DNM3: variants seen among roughly 807,000 people sequenced by gnomAD.
DNM3 encodes dynamin-3.
In DNM3, 47 loss-of-function variants were observed where a neutral mutation model predicts 101.6. That is an observed-to-expected ratio of 0.46 (90% CI 0.37 to 0.59). The LOEUF (loss-of-function observed/expected upper bound fraction) is 0.59. DNM3 is among the 20% of genes least tolerant of loss of function. DNM3 has a pLI of 0.00. For synonymous variants in DNM3, 385 were observed against 387.9 expected (o/e 0.99, Z 0.09); for missense variants, 849 against 1,085.7 (o/e 0.78, Z 3.06).
Position 171,980,807 on chromosome 1 carries a change from G to A in DNM3, c.236-6849G>A, listed in dbSNP as rs59428169. On this transcript the variant is annotated intron_variant, in intron 2 of 20. Coordinates refer to ENST00000627582, the MANE Select transcript of DNM3 (RefSeq NM_015569.5). ...TTTTTTTGAGACAGAGTCTCACTCTGTCACTCAGGCTGGAGTGCAGTGACA... is the reference window on the plus strand; with the variant it reads ...TTTTTTTGAGACAGAGTCTCACTCTATCACTCAGGCTGGAGTGCAGTGACA... 8.7e-3 allele frequency among the ~76,000 whole-genome samples: 1,088 copies of A among 125,552 alleles called. 15 individuals carry two copies. Among genetic ancestry groups the A allele is most frequent in the African/African-American group, 0.031 (1,019 of 32,468 alleles). 82.4% of individuals were successfully genotyped at this position (125,552 alleles called of 152,430 possible).
At chr1:172,210,636 T>C (rs1009819786) in intron 14 of DNM3, among the ~76,000 whole-genome samples, 3 of 152,144 alleles carry the variant, frequency 2.0e-5, no homozygotes, top group Non-Finnish European at 2.9e-5. Flanking sequence ...GGAACCAAGA[T>C]ATAATGTGAA....
chr1:172,240,845 G>T (rs1479931154), intron 14 of DNM3, among the ~76,000 whole-genome samples: 4 of 152,002 alleles, frequency 2.6e-5, no homozygotes, highest in Non-Finnish European at 5.9e-5. Flanking sequence ...AATATAAATT[G>T]CAATGCCTTG....
chr1:172,050,605 A>G (rs568150476), intron 10 of DNM3, among the ~76,000 whole-genome samples: 2 of 152,204 alleles, frequency 1.3e-5, no homozygotes, highest in Non-Finnish European at 2.9e-5. Flanking sequence ...TAGGCAAGGT[A>G]ATGAAAAGAA....
At position 172,411,891 on chromosome 1, in the gene DNM3, G is replaced by C. The variant is rs376199314; in HGVS notation, c.*4050G>C. The C allele has an allele frequency of 3.0e-6, 3 of 985,644 alleles. No homozygotes were observed. Among genetic ancestry groups the C allele is most frequent in the Non-Finnish European group, 3.6e-6 (3 of 829,872 alleles). The allele number at this position is 985,644 out of a possible 1,614,324, so 61.1% of individuals were successfully genotyped here. A position where few individuals can be genotyped will look rare whatever the true frequency, so the allele number is the denominator to read the frequency against. On this transcript the variant is annotated 3_prime_UTR_variant, in exon 21 of 21. Transcript: ENST00000627582. ...TGAAGAAATGATTATTCGTTCACCA[G>C]ATCACTCATTGTACATTCTAAAAAG...
At chr1:172,034,105 G>A (rs2048800143) in intron 6 of DNM3, among the ~76,000 whole-genome samples, 1 of 152,088 alleles carries the variant, frequency 6.6e-6, no homozygotes, top group Admixed American at 6.6e-5. Flanking sequence ...ATCAATAGCT[G>A]TCACAATATG....
chr1:171,844,876 T>C (rs1448356164), intron 1 of DNM3, among the ~76,000 whole-genome samples: 2 of 152,242 alleles, frequency 1.3e-5, no homozygotes, highest in Admixed American at 1.3e-4. Context: ...ATTATACGTA[T>C]ACATATATTT....
chr1:171,993,286 C>T (rs1290663231), intron 4 of DNM3, among the ~76,000 whole-genome samples: 1 of 151,888 alleles, frequency 6.6e-6, no homozygotes, highest in East Asian at 1.9e-4. Context: ...CTATGTCTGT[C>T]AGTAAGGGAT....
intron 15 of DNM3, among the ~76,000 whole-genome samples, chr1:172,299,819 A>G (rs2064350800): frequency 6.6e-6 from 1 of 152,182 alleles, no homozygotes; most frequent in Non-Finnish European, 1.5e-5. Context: ...TGTCTTTGCT[A>G]TTATGAAGAA....
At chr1:171,955,788 C>G (rs115303652) in intron 2 of DNM3, among the ~76,000 whole-genome samples, 3,588 of 152,118 alleles carry the variant, frequency 0.024, 134 homozygotes, top group African/African-American at 0.081. Flanking sequence ...TGAGACTGGG[C>G]AATTGACAAA....
chr1:172,248,443 GA>G (rs2062041200), intron 14 of DNM3, among the ~76,000 whole-genome samples: 1 of 152,032 alleles, frequency 6.6e-6, no homozygotes, highest in Non-Finnish European at 1.5e-5. Context: ...TACCCTCAAG[GA>G]ACTTCCAATC....
chr1:172,145,146 C>T lies in DNM3; in HGVS notation c.1659+13858C>T, dbSNP rs532508064. ...GTAGAAGTACAAATTTACTGTCTGA[C>T]CCAGGCTAGAGAAGTAATTTGAAGA... On this transcript the variant is annotated intron_variant, in intron 14 of 20. Transcript: ENST00000627582. Among the ~76,000 whole-genome samples the T allele has an allele frequency of 2.1e-3, 320 of 152,040 alleles. 1 individual carries two copies. The highest frequency in any genetic ancestry group is 7.3e-3 in the African/African-American group (304 of 41,500).
intron 1 of DNM3, among the ~76,000 whole-genome samples, chr1:171,864,976 A>G (rs2034571271): frequency 2.0e-5 from 3 of 152,194 alleles, no homozygotes; most frequent in African/African-American, 7.2e-5. Context: ...CTTAAAATAC[A>G]GACTTATTTA....
chr1:172,363,951 C>T (rs2067877076), intron 17 of DNM3, among the ~76,000 whole-genome samples: 1 of 151,940 alleles, frequency 6.6e-6, no homozygotes, highest in African/African-American at 2.4e-5. Context: ...TTTCCATAGC[C>T]TTGCCTGGCT....
intron 14 of DNM3, among the ~76,000 whole-genome samples, chr1:172,192,424 G>A (rs1472523762): frequency 6.9e-6 from 1 of 145,686 alleles, no homozygotes; most frequent in Non-Finnish European, 1.5e-5. Context: ...TGTGCACATT[G>A]TGCAGGTTAG....
At position 171,960,196 on chromosome 1, in the gene DNM3, A is replaced by C. The variant is rs376777973; in HGVS notation, c.236-27460A>C. 5.3e-5 allele frequency among the ~76,000 whole-genome samples: 8 copies of C among 150,962 alleles called. No homozygotes were observed. In the East Asian group the frequency reaches 7.8e-4, roughly 15 times the overall value. On this transcript the variant is annotated intron_variant, in intron 2 of 20. Transcript: ENST00000627582. ...TAAGAGGCAGAGACTGGAGTAGTGC[A>C]TCCATAAGCCAAGCCATTGCTGACA...
chr1:171,967,901 C>T (rs1336873413), intron 2 of DNM3, among the ~76,000 whole-genome samples: 3 of 152,172 alleles, frequency 2.0e-5, no homozygotes, highest in East Asian at 3.8e-4. Flanking sequence ...CCTCAATCAT[C>T]TGGACCCTCT....
Position 171,945,681 on chromosome 1 carries a change from G to C in DNM3, c.235+23860G>C, listed in dbSNP as rs999581514. 2.6e-5 allele frequency among the ~76,000 whole-genome samples: 4 copies of C among 152,110 alleles called. No individual in the cohort carries two copies. In the South Asian group the frequency reaches 8.3e-4, roughly 32 times the overall value. Reference sequence around the variant, plus strand: ...TTTGGTTTGAAAATTACTGAAAAGTGTCTTCCTAAAATGATTTTTATTTTT... The same window carrying C: ...TTTGGTTTGAAAATTACTGAAAAGTCTCTTCCTAAAATGATTTTTATTTTT... On this transcript the variant is annotated intron_variant, in intron 2 of 20. Transcript: ENST00000627582.
intron 14 of DNM3, among the ~76,000 whole-genome samples, chr1:172,232,801 T>G (rs1317530521): frequency 2.0e-5 from 3 of 152,062 alleles, no homozygotes; most frequent in South Asian, 2.1e-4. Context: ...GGGTACATAA[T>G]GAAATGAAGG....
chr1:172,075,871 G>T (rs1170797517), intron 11 of DNM3, among the ~76,000 whole-genome samples: 2 of 152,138 alleles, frequency 1.3e-5, no homozygotes, highest in Admixed American at 1.3e-4. Flanking sequence ...GTAGCTTGAG[G>T]GGATAGCATT....
Sources: allele counts gnomAD v4.1 joint callset (sites outside exome capture counted in the v4.1 genomes callset), GRCh38; gene constraint gnomAD v4.1.1; transcripts MANE v1.5; gene names NCBI Gene and HGNC (gene_info 2026-07-23, HGNC 2026-07-21).